The following MAP2K5 variants were observed in gnomAD, a reference collection of about 807,000 sequenced individuals.
MAP2K5 encodes mitogen-activated protein kinase kinase 5.
Under a neutral mutation model 83.1 loss-of-function variants are expected in MAP2K5, and 49 were observed. That is an observed-to-expected ratio of 0.59 (90% CI 0.47 to 0.75). MAP2K5 has a LOEUF of 0.75. Ranked by LOEUF, MAP2K5 falls within the 30% of genes least tolerant of loss-of-function variation. MAP2K5 has a pLI of 0.00. For synonymous variants in MAP2K5, 202 were observed against 191.8 expected (o/e 1.05, Z -0.44); for missense variants, 457 against 557.5 (o/e 0.82, Z 1.82).
intron 6 of MAP2K5, among the ~76,000 whole-genome samples, chr15:67,591,939 C>A (rs943860008): frequency 1.3e-5 from 2 of 151,586 alleles, no homozygotes; most frequent in African/African-American, 2.4e-5. Flanking sequence ...TGGAGAAACC[C>A]CCAGCTTACT....
Position 67,780,834 on chromosome 15 carries a change from A to G in MAP2K5, c.1242+8082A>G, listed in dbSNP as rs1377804576. 6.6e-6 allele frequency among the ~76,000 whole-genome samples: 1 copy of G among 152,192 alleles called. No homozygotes were observed. Among genetic ancestry groups the G allele is most frequent in the African/African-American group, 2.4e-5 (1 of 41,448 alleles). On this transcript the variant is annotated intron_variant, in intron 21 of 21. Coordinates refer to ENST00000178640, the MANE Select transcript of MAP2K5 (RefSeq NM_145160.3). This position sits in a 1 kb window ranked among gnomAD's most constrained non-coding sequence, Gnocchi z 5.0. ...ACCAACACCAGGGTTTAGCCATCCC[A>G]CCCTGGATGTATGGACAGAGCTAGG...
chr15:67,649,876 C>CA (rs1399582202), intron 11 of MAP2K5, among the ~76,000 whole-genome samples: 1 of 152,002 alleles, frequency 6.6e-6, no homozygotes, highest in African/African-American at 2.4e-5. Flanking sequence ...GCAATTTCTC[C>CA]AAAAAAATCC....
rs143005479 is a variant in MAP2K5 at position 67,690,146 on chromosome 15, A to G, written c.848-2333A>G. Among the ~76,000 whole-genome samples the G allele has an allele frequency of 5.6e-3, 854 of 152,354 alleles. No homozygotes were observed. The highest frequency in any genetic ancestry group is 0.034 in the Middle Eastern group (10 of 294). Reference sequence around the variant, plus strand: ...TACACCCCTAGTTTAGGACATCAATATGTAAAAGAACAAATTGTCCAAAAG... The same window carrying G: ...TACACCCCTAGTTTAGGACATCAATGTGTAAAAGAACAAATTGTCCAAAAG... On this transcript the variant is annotated intron_variant, in intron 13 of 21. Coordinates refer to ENST00000178640, the MANE Select transcript of MAP2K5 (RefSeq NM_145160.3). This position sits in a 1 kb window ranked among gnomAD's most constrained non-coding sequence, Gnocchi z 4.3.
chr15:67,685,631 G>A (rs891573049), intron 13 of MAP2K5, among the ~76,000 whole-genome samples: 1 of 152,156 alleles, frequency 6.6e-6, no homozygotes, highest in Non-Finnish European at 1.5e-5. Flanking sequence ...GAAGAAAGAT[G>A]TATGAAAATA....
intron 6 of MAP2K5, among the ~76,000 whole-genome samples, chr15:67,588,842 A>C (rs182406192): frequency 6.3e-4 from 96 of 152,164 alleles, no homozygotes; most frequent in Non-Finnish European, 8.8e-4. Context: ...TAGAGATGGG[A>C]TCTCCCTCTG....
intron 3 of MAP2K5, among the ~76,000 whole-genome samples, chr15:67,579,301 G>A (rs1211912988): frequency 1.3e-5 from 2 of 152,180 alleles, no homozygotes; most frequent in African/African-American, 4.8e-5. Context: ...AATTTTTCCA[G>A]ACTACTTGTT....
chr15:67,741,922 T>A (rs1406011194), intron 17 of MAP2K5, among the ~76,000 whole-genome samples: 1 of 146,648 alleles, frequency 6.8e-6, no homozygotes, highest in East Asian at 2.0e-4. Flanking sequence ...TGAGAGGGAG[T>A]CTTGCTCTGT....
chr15:67,579,402 A>G (rs1340089215), intron 3 of MAP2K5, among the ~76,000 whole-genome samples: 1 of 152,162 alleles, frequency 6.6e-6, no homozygotes, highest in Non-Finnish European at 1.5e-5. Context: ...CGAGTGCTGT[A>G]TTTCTGTGGT....
intron 17 of MAP2K5, among the ~76,000 whole-genome samples, chr15:67,741,997 C>A (rs2089504774): frequency 6.6e-6 from 1 of 151,860 alleles, no homozygotes; most frequent in African/African-American, 2.4e-5. Context: ...CAGGTTCATG[C>A]CATTCTCCTG....
At position 67,665,651 on chromosome 15, in the gene MAP2K5, A is replaced by G. The variant is rs191474246; in HGVS notation, c.847+1006A>G. On this transcript the variant is annotated intron_variant, in intron 13 of 21. Coordinates refer to ENST00000178640, the MANE Select transcript of MAP2K5 (RefSeq NM_145160.3). The surrounding 1 kb of genome is among the most constrained non-coding windows in gnomAD (Gnocchi z 4.2). ...TGAAATCCTCCTTTTTAATGAGGGT[A>G]TCTAGATTTTGACAAATCAAATAGT... Among the ~76,000 whole-genome samples, 19 of 152,272 alleles carry G rather than the reference A, an allele frequency of 1.2e-4. No individual in the cohort carries two copies. The South Asian group carries it at 2.1e-3, about 17-fold the overall frequency.
In MAP2K5 at chr15:67,636,383, G is replaced by T. The variant is rs1223951365; in HGVS notation, c.585+5456G>T. Among the ~76,000 whole-genome samples, 2 of 151,238 alleles carry T rather than the reference G, an allele frequency of 1.3e-5. No individual in the cohort carries two copies. Among genetic ancestry groups the T allele is most frequent in the Non-Finnish European group, 2.9e-5 (2 of 67,918 alleles). Reference sequence around the variant, plus strand: ...AGATTGCGCCACTGCACTCCAGCCTGGGCAACAGAATAAGACTCCGTCTCA... The same window carrying T: ...AGATTGCGCCACTGCACTCCAGCCTTGGCAACAGAATAAGACTCCGTCTCA... On this transcript the variant is annotated intron_variant, in intron 9 of 21. Coordinates refer to ENST00000178640, the MANE Select transcript of MAP2K5 (RefSeq NM_145160.3). The surrounding 1 kb of genome is among the most constrained non-coding windows in gnomAD (Gnocchi z 4.7).
In MAP2K5 at chr15:67,801,047, C is replaced by T. The variant is rs1036378558; in HGVS notation, c.1243-5599C>T. On this transcript the variant is annotated intron_variant, in intron 21 of 21. Coordinates refer to ENST00000178640, the MANE Select transcript of MAP2K5 (RefSeq NM_145160.3). This position sits in a 1 kb window ranked among gnomAD's most constrained non-coding sequence, Gnocchi z 4.8. ...AAATTTTCTTAACAGAATTTGAAAC[C>T]GCTGCAGAGCCCCCAAAGCACCTCA... 1.3e-4 allele frequency among the ~76,000 whole-genome samples: 20 copies of T among 152,150 alleles called. No homozygotes were observed. The highest frequency in any genetic ancestry group is 3.4e-3 in the Middle Eastern group (1 of 294).
Position 67,748,547 on chromosome 15 carries a change from C to A in MAP2K5, c.1102-22C>A. 6.2e-7 allele frequency: 1 copy of A among 1,611,722 alleles called. No individual in the cohort carries two copies. Among genetic ancestry groups the A allele is most frequent in the South Asian group, 1.1e-5 (1 of 90,866 alleles). On this transcript the variant is annotated intron_variant, in intron 18 of 21. Transcript: ENST00000178640. The surrounding 1 kb of genome is among the most constrained non-coding windows in gnomAD (Gnocchi z 4.0). ...TATTGCATAGAGGCTAATACTTTTT[C>A]CTCTCTTCTTTTCCATTGCAGCCTC...
rs373165792 is a variant in MAP2K5, at chr15:67,778,611, C to T, written c.1242+5859C>T. Among the ~76,000 whole-genome samples, 109 of 152,174 alleles carry T rather than the reference C, an allele frequency of 7.2e-4. 2 individuals carry two copies. In the South Asian group the frequency reaches 0.02, roughly 27 times the overall value. ...TCACCAGCAAGTCTTAGAGAAGTCA[C>T]GAGGAAAGATGGAAAAGGATCTTAC... On this transcript the variant is annotated intron_variant, in intron 21 of 21. Coordinates refer to ENST00000178640, the MANE Select transcript of MAP2K5 (RefSeq NM_145160.3). This position sits in a 1 kb window ranked among gnomAD's most constrained non-coding sequence, Gnocchi z 5.0.
rs1440040612 is a variant in MAP2K5 at position 67,582,079 on chromosome 15, T to TC, written c.322+1257dup. ...GATTTCTTTTTTTTTTTTTTTTTTT[T>TC]CGAGACAGAGTCTCGCTCTGCCACC... is the stretch of plus-strand genomic sequence containing the variant. On this transcript the variant is annotated intron_variant, in intron 4 of 21. Transcript: ENST00000178640. 8.0e-5 allele frequency among the ~76,000 whole-genome samples: 12 copies of TC among 149,934 alleles called. No individual in the cohort carries two copies. The South Asian group carries it at 1.9e-3, about 24-fold the overall frequency.
At position 67,637,180 on chromosome 15, in the gene MAP2K5, T is replaced by C. The variant is rs943556804; in HGVS notation, c.585+6253T>C. Among the ~76,000 whole-genome samples the C allele has an allele frequency of 6.6e-6, 1 of 152,200 alleles. No homozygotes were observed. Among genetic ancestry groups the C allele is most frequent in the Non-Finnish European group, 1.5e-5 (1 of 68,036 alleles). On this transcript the variant is annotated intron_variant, in intron 9 of 21. Coordinates refer to ENST00000178640, the MANE Select transcript of MAP2K5 (RefSeq NM_145160.3). The surrounding 1 kb of genome is among the most constrained non-coding windows in gnomAD (Gnocchi z 4.5). ...TTCAGACTTGGACTGGCTTCCTTGC[T>C]CCTCAGCTTGCAGATGGCCTATTGT...
chr15:67,703,624 A>G (rs1366054939), intron 16 of MAP2K5, among the ~76,000 whole-genome samples: 1 of 152,202 alleles, frequency 6.6e-6, no homozygotes, highest in Admixed American at 6.5e-5. Flanking sequence ...TCACCTGTGT[A>G]AGACCTGCCT....
chr15:67,543,003 C>G lies in MAP2K5; in HGVS notation c.-333C>G, dbSNP rs916793135. On this transcript the variant is annotated 5_prime_UTR_variant, in exon 1 of 22. Transcript: ENST00000178640. This position sits in a 1 kb window ranked among gnomAD's most constrained non-coding sequence, Gnocchi z 4.3. ...CCAAACCGAGTCCTTGCCCTGCTGC[C>G]TCCTCATACCCACACGGCGGCAGAG... The G allele has an allele frequency of 6.0e-6, 2 of 334,300 alleles. No homozygotes were observed. The highest frequency in any genetic ancestry group is 1.1e-5 in the Non-Finnish European group (2 of 175,640). 20.7% of individuals were successfully genotyped at this position (334,300 alleles called of 1,614,324 possible). A position where few individuals can be genotyped will look rare whatever the true frequency, so the allele number is the denominator to read the frequency against.
rs2085318579 is a variant in MAP2K5 at position 67,587,767 on chromosome 15, T to C, written c.431+854T>C. 6.6e-6 allele frequency among the ~76,000 whole-genome samples: 1 copy of C among 152,212 alleles called. No homozygotes were observed. Among genetic ancestry groups the C allele is most frequent in the Non-Finnish European group, 1.5e-5 (1 of 68,032 alleles). Reference sequence around the variant, plus strand: ...CACAGTTCTAGATTTTCTGTCTCAGTAAATTCTCCCACATCCAGTCCATTG... The same window carrying C: ...CACAGTTCTAGATTTTCTGTCTCAGCAAATTCTCCCACATCCAGTCCATTG... On this transcript the variant is annotated intron_variant, in intron 6 of 21. Transcript: ENST00000178640. The surrounding 1 kb of genome is among the most constrained non-coding windows in gnomAD (Gnocchi z 4.8).
Sources: gnomAD v4.1 joint callset for allele counts (sites outside exome capture counted in the v4.1 genomes callset) on GRCh38, gnomAD v4.1.1 for gene constraint, Gnocchi (gnomAD v3.1) non-coding constraint, MANE v1.5 for transcripts, NCBI Gene and HGNC (gene_info 2026-07-23, HGNC 2026-07-21) for gene names.